The following USH2A variants were observed in gnomAD, a reference collection of about 807,000 sequenced individuals.
USH2A encodes Usher syndrome 2A (autosomal recessive, mild).
In USH2A, 443 loss-of-function variants were observed where a neutral mutation model predicts 538.9. The observed-to-expected ratio is 0.82, with a 90% CI of 0.76 to 0.89. The LOEUF (loss-of-function observed/expected upper bound fraction) is 0.89. Ranked by LOEUF, USH2A falls within the 40% of genes least tolerant of loss-of-function variation. The pLI, the probability that USH2A is intolerant of heterozygous loss-of-function variation, is 0.00. For missense variants in USH2A, 6,633 were observed against 6,324.8 expected (o/e 1.05, Z -1.65); for synonymous variants, 2,413 against 2,273.5 (o/e 1.06, Z -1.75).
chr1:216,233,564 T>A (rs1243327773), intron 13 of USH2A, among the ~76,000 whole-genome samples: 1 of 151,852 alleles, frequency 6.6e-6, no homozygotes, highest in Non-Finnish European at 1.5e-5. Context: ...CCAAACACAT[T>A]CGATGAACAA....
At chr1:216,381,963 C>T (rs2038930093) in intron 3 of USH2A, among the ~76,000 whole-genome samples, 1 of 152,150 alleles carries the variant, frequency 6.6e-6, no homozygotes, top group Admixed American at 6.5e-5. Context: ...CACATAAAAG[C>T]AGACCTGGGC....
chr1:215,772,980 G>C (rs1237673874), intron 55 of USH2A, among the ~76,000 whole-genome samples: 1 of 152,226 alleles, frequency 6.6e-6, no homozygotes, highest in Non-Finnish European at 1.5e-5. Flanking sequence ...ACCCAAACTG[G>C]ATGTGTGGTC....
chr1:215,710,025 A>G (rs1474961188), intron 61 of USH2A, among the ~76,000 whole-genome samples: 1 of 152,204 alleles, frequency 6.6e-6, no homozygotes, highest in East Asian at 1.9e-4. Context: ...TACTTACAAG[A>G]TTGCAAGTGA....
intron 11 of USH2A, among the ~76,000 whole-genome samples, chr1:216,287,469 A>C (rs190569711): frequency 6.6e-6 from 1 of 152,248 alleles, no homozygotes; most frequent in Admixed American, 6.5e-5. Flanking sequence ...GATTAAGTAC[A>C]TTTCTTCTGA....
chr1:216,283,066 C>G (rs916942482), intron 11 of USH2A, among the ~76,000 whole-genome samples: 3 of 151,978 alleles, frequency 2.0e-5, no homozygotes, highest in Admixed American at 1.3e-4. Flanking sequence ...TACTCTGCAA[C>G]CTTGCTGAAT....
intron 2 of USH2A, among the ~76,000 whole-genome samples, chr1:216,419,673 C>G (rs973778007): frequency 1.3e-5 from 2 of 152,088 alleles, no homozygotes. Flanking sequence ...GATACACACA[C>G]AAACACCTAG....
At chr1:215,832,275 A>C (rs1388604872) in intron 47 of USH2A, among the ~76,000 whole-genome samples, 1 of 151,996 alleles carries the variant, frequency 6.6e-6, no homozygotes, top group Non-Finnish European at 1.5e-5. Context: ...AATGCTTCCC[A>C]AGTTAGTATG....
chr1:216,352,088 A>T (rs2038298025), intron 4 of USH2A, among the ~76,000 whole-genome samples: 1 of 152,148 alleles, frequency 6.6e-6, no homozygotes, highest in Admixed American at 6.6e-5. Flanking sequence ...CATGTAACAG[A>T]GTCGTCTGGA....
chr1:216,333,369 A>T (rs2037906170), intron 4 of USH2A, among the ~76,000 whole-genome samples: 1 of 152,088 alleles, frequency 6.6e-6, no homozygotes, highest in Non-Finnish European at 1.5e-5. Context: ...ATCAGAAGAA[A>T]TAATTAATGA....
At chr1:216,398,588 C>T (rs2039256750) in intron 3 of USH2A, among the ~76,000 whole-genome samples, 1 of 152,014 alleles carries the variant, frequency 6.6e-6, no homozygotes, top group South Asian at 2.1e-4. Context: ...CACACACACT[C>T]ACACACATTC....
intron 3 of USH2A, among the ~76,000 whole-genome samples, chr1:216,389,246 G>A (rs2039058310): frequency 6.6e-6 from 1 of 152,110 alleles, no homozygotes; most frequent in African/African-American, 2.4e-5. Context: ...AAAATACTGT[G>A]AATACTGTCT....
intron 63 of USH2A, among the ~76,000 whole-genome samples, chr1:215,672,679 G>T (rs1381230819): frequency 6.6e-6 from 1 of 152,172 alleles, no homozygotes; most frequent in Non-Finnish European, 1.5e-5. Context: ...GGTGCTGAAA[G>T]GAGGACACAC....
rs763180871 is a variant in USH2A at position 216,418,622 on chromosome 1, C to T, written c.543G>A (p.Glu181=). 1 of 1,613,328 alleles carries T rather than the reference C, an allele frequency of 6.2e-7. No individual in the cohort carries two copies. The highest frequency in any genetic ancestry group is 1.1e-5 in the South Asian group (1 of 91,064). The change falls in exon 3 of 72, where the codon GAG becomes GAA. Residue 181 remains glutamate, a synonymous_variant. Coordinates refer to ENST00000307340, the MANE Select transcript of USH2A (RefSeq NM_206933.4). ...GQIVFKLTIS[E]KETMFYYRTV... is the part of the protein sequence containing the mutation. ...TGCGATAATAAAACATGGTCTCTTT[C>T]TCAGATATTGTAAGTTTGAACACAA...
chr1:216,249,080 T>C (rs1045716049), intron 12 of USH2A, among the ~76,000 whole-genome samples: 4 of 152,122 alleles, frequency 2.6e-5, no homozygotes, highest in African/African-American at 9.6e-5. Flanking sequence ...CTTCTTTTTT[T>C]TTCATATTAA....
chr1:215,655,311 C>G (rs1657206915), intron 64 of USH2A, among the ~76,000 whole-genome samples: 1 of 152,172 alleles, frequency 6.6e-6, no homozygotes. Context: ...ATAAATGTAT[C>G]TTGGAATATG....
intron 35 of USH2A, among the ~76,000 whole-genome samples, chr1:215,977,952 C>T (rs968348757): frequency 6.6e-6 from 1 of 152,038 alleles, no homozygotes. Context: ...GTGGCAAAGC[C>T]CTGTCTCTAC....
At chr1:215,934,923 G>T in intron 37 of USH2A, 128 bp from the exon 38 acceptor site, 1 of 810,178 alleles carries the variant, frequency 1.2e-6, no homozygotes, top group Non-Finnish European at 1.9e-6. Context: ...CACTCTAAGA[G>T]GCATTACATG....
At chr1:216,397,705 G>A (rs1013286411) in intron 3 of USH2A, among the ~76,000 whole-genome samples, 1 of 152,180 alleles carries the variant, frequency 6.6e-6, no homozygotes, top group African/African-American at 2.4e-5. Context: ...GGATCTGGGG[G>A]TTCTCAGGCT....
chr1:215,742,499 T>C (rs1406709405), intron 59 of USH2A, among the ~76,000 whole-genome samples: 1 of 152,038 alleles, frequency 6.6e-6, no homozygotes, highest in East Asian at 1.9e-4. Flanking sequence ...CATATCCATA[T>C]CTGTTAAAGT....
Sources: gnomAD v4.1 joint callset for allele counts (sites outside exome capture counted in the v4.1 genomes callset) on GRCh38, gnomAD v4.1.1 for gene constraint, MANE v1.5 for transcripts, NCBI Gene and HGNC (gene_info 2026-07-23, HGNC 2026-07-21) for gene names.